The following NCALD variants were observed in gnomAD, a reference collection of about 807,000 sequenced individuals.
The protein encoded by NCALD is neurocalcin delta.
In NCALD, 10 loss-of-function variants were observed where a neutral mutation model predicts 18.6. That is an observed-to-expected ratio of 0.54 (90% CI 0.33 to 0.91). The LOEUF is 0.91. Ranked by LOEUF, NCALD falls within the 40% of genes least tolerant of loss-of-function variation. The probability of loss-of-function intolerance (pLI) is 0.03; values close to 1 mark genes in which losing one functional copy is unlikely to be tolerated. For missense variants in NCALD, 184 were observed against 247.6 expected, an observed-to-expected ratio of 0.74 and a Z score of 1.72; for synonymous variants, 88 against 87.4, an observed-to-expected ratio of 1.01 and a Z score of -0.04.
intron 4 of NCALD, among the ~76,000 whole-genome samples, chr8:101,800,880 A>AGAGGG (rs1812815639): frequency 1.3e-5 from 1 of 76,578 alleles, no homozygotes; most frequent in Non-Finnish European, 2.4e-5. Flanking sequence ...AGGAAAAAGG[A>AGAGGG]GAGGGGAGGG....
intron 2 of NCALD, among the ~76,000 whole-genome samples, chr8:102,003,076 T>G (rs1821541114): frequency 6.6e-6 from 1 of 151,820 alleles, no homozygotes. Context: ...CTTCAAAAAA[T>G]CAATGAATCC....
In NCALD at chr8:101,930,883, T is replaced by G. The variant is rs551064295; in HGVS notation, c.-156-15025A>C. Among the ~76,000 whole-genome samples the G allele has an allele frequency of 2.6e-5, 4 of 152,314 alleles. No homozygotes were observed. The South Asian group carries it at 8.3e-4, about 32-fold the overall frequency. ...AGTGCCTGGGTCATTACCTTGACCTTTTCTATTCCAGGGAAGTTGTGGCAT... is the reference window on the plus strand; with the variant it reads ...AGTGCCTGGGTCATTACCTTGACCTGTTCTATTCCAGGGAAGTTGTGGCAT... On this transcript the variant is annotated intron_variant, in intron 2 of 6. Transcript: ENST00000311028.
intron 4 of NCALD, among the ~76,000 whole-genome samples, chr8:101,800,454 A>C (rs1812796863): frequency 6.6e-6 from 1 of 151,544 alleles, no homozygotes; most frequent in African/African-American, 2.4e-5. Flanking sequence ...GATTCCCAAA[A>C]GAAGGAGGAA....
chr8:102,032,168 C>T (rs1035244171), intron 1 of NCALD, among the ~76,000 whole-genome samples: 2 of 152,052 alleles, frequency 1.3e-5, no homozygotes, highest in Admixed American at 6.6e-5. Context: ...AGTCACACTC[C>T]GTCACCAAGT....
At chr8:101,997,794 T>C (rs1821292212) in intron 2 of NCALD, among the ~76,000 whole-genome samples, 1 of 152,212 alleles carries the variant, frequency 6.6e-6, no homozygotes, top group African/African-American at 2.4e-5. Context: ...TCGTGTTGTT[T>C]TGCTTTTGTT....
At chr8:101,775,425 G>A (rs978965544) in intron 1 of NCALD, among the ~76,000 whole-genome samples, 24 of 152,280 alleles carry the variant, frequency 1.6e-4, no homozygotes, top group African/African-American at 5.3e-4. Context: ...GCTGGTGTGC[G>A]TTAAGAATCA....
At chr8:102,065,010 CAAAAAAAAAAAAA>C (rs34548051) in intron 1 of NCALD, among the ~76,000 whole-genome samples, 1 of 87,580 alleles carries the variant, frequency 1.1e-5, no homozygotes, top group Non-Finnish European at 2.0e-5. Context: ...CTCACTTTGG[CAAAAAAAAAAAAA>C]AAAAAAAAAA....
chr8:102,072,509 G>C (rs1368428473), intron 1 of NCALD, among the ~76,000 whole-genome samples: 1 of 152,056 alleles, frequency 6.6e-6, no homozygotes, highest in Non-Finnish European at 1.5e-5. Context: ...TTAACACAAA[G>C]ACAACAACAG....
rs773448563 is a variant in NCALD at position 101,821,544 on chromosome 8, C to CA, written c.-20+65596dup. Among the ~76,000 whole-genome samples the CA allele has an allele frequency of 4.6e-5, 7 of 152,298 alleles. No homozygotes were observed. In the East Asian group the frequency reaches 9.6e-4, roughly 21 times the overall value. ...CCATGAAGGACGCAGAGCCTTCCAA[C>CA]ACCCACAGTTAAATAGCTACACATT... On this transcript the variant is annotated intron_variant, in intron 4 of 6. Transcript: ENST00000311028.
At chr8:101,803,272 C>T (rs1812937790) in intron 4 of NCALD, among the ~76,000 whole-genome samples, 1 of 152,180 alleles carries the variant, frequency 6.6e-6, no homozygotes, top group African/African-American at 2.4e-5. Flanking sequence ...GCCTGGATCA[C>T]AGTACATCTG....
At chr8:101,824,942 G>A (rs1439939304) in intron 4 of NCALD, among the ~76,000 whole-genome samples, 1 of 152,146 alleles carries the variant, frequency 6.6e-6, no homozygotes, top group East Asian at 1.9e-4. Context: ...TCATTACATA[G>A]TGGACTATGT....
At chr8:101,993,434 C>G (rs1392026411) in intron 2 of NCALD, among the ~76,000 whole-genome samples, 2 of 152,182 alleles carry the variant, frequency 1.3e-5, no homozygotes, top group Non-Finnish European at 2.9e-5. Flanking sequence ...AATGTCCCAG[C>G]AAAGGGAAGA....
At chr8:102,102,068 T>G (rs1426454310) in intron 1 of NCALD, among the ~76,000 whole-genome samples, 1 of 152,252 alleles carries the variant, frequency 6.6e-6, no homozygotes, top group East Asian at 1.9e-4. Context: ...TTGTAGTGTT[T>G]TTCTTATTAT....
chr8:101,960,009 A>G (rs1371211573), intron 2 of NCALD, among the ~76,000 whole-genome samples: 1 of 152,144 alleles, frequency 6.6e-6, no homozygotes, highest in African/African-American at 2.4e-5. Flanking sequence ...GGCTGAGTGA[A>G]CACCTACCTT....
chr8:101,689,345 G>T lies in NCALD; in HGVS notation c.546C>A (p.Leu182=). Residue 182 remains leucine, a synonymous_variant, in exon 4 of 4, where the codon CTC becomes CTA. Coordinates refer to ENST00000220931, the MANE Select transcript of NCALD (RefSeq NM_032041.3). The surrounding 1 kb of genome is among the most constrained non-coding windows in gnomAD (Gnocchi z 4.4). The part of the protein sequence containing the change: ...GAKSDPSIVR[L]LQCDPSSAGQ... ...CGGCACTGCTCGGGTCGCACTGCAG[G>T]AGGCGCACAATGGACGGGTCGCTTT... The T allele has an allele frequency of 6.2e-7, 1 of 1,613,650 alleles. No individual in the cohort carries two copies.
chr8:101,880,260 C>T (rs899442784), intron 4 of NCALD, among the ~76,000 whole-genome samples: 11 of 152,288 alleles, frequency 7.2e-5, no homozygotes, highest in African/African-American at 2.6e-4. Flanking sequence ...CCCTTACTGC[C>T]CGGGGCCAGC....
At chr8:101,805,229 C>G (rs968745688) in intron 4 of NCALD, among the ~76,000 whole-genome samples, 6 of 152,172 alleles carry the variant, frequency 3.9e-5, no homozygotes, top group Non-Finnish European at 8.8e-5. Context: ...TCCAGTTCCT[C>G]CTTAACCCTC....
At chr8:102,089,407 A>AG (rs1824850805) in intron 1 of NCALD, among the ~76,000 whole-genome samples, 1 of 152,066 alleles carries the variant, frequency 6.6e-6, no homozygotes, top group African/African-American at 2.4e-5. Context: ...GGAAAAAAAA[A>AG]AAAGAAAGAA....
chr8:101,852,309 C>T lies in NCALD; in HGVS notation c.-20+34832G>A, dbSNP rs779927728. On this transcript the variant is annotated intron_variant, in intron 4 of 6. Transcript: ENST00000311028. ...TCTTTTCACTTCCTTATTCTCCTAA[C>T]ACCTTTTATGTCCACCTCTGAACTT... Among the ~76,000 whole-genome samples the T allele has an allele frequency of 2.6e-5, 4 of 152,214 alleles. No homozygotes were observed. In the South Asian group the frequency reaches 8.3e-4, roughly 31 times the overall value.
Sources: gnomAD v4.1 joint callset for allele counts (sites outside exome capture counted in the v4.1 genomes callset) on GRCh38, gnomAD v4.1.1 for gene constraint, Gnocchi (gnomAD v3.1) non-coding constraint, MANE v1.5 for transcripts, NCBI Gene and HGNC (gene_info 2026-07-23, HGNC 2026-07-21) for gene names.